The following RAPGEF6 variants were observed in gnomAD, a reference collection of about 807,000 sequenced individuals.
RAPGEF6 encodes the protein Rap guanine nucleotide exchange factor 6.
Under a neutral mutation model 171.4 loss-of-function variants are expected in RAPGEF6, and 56 were observed. That is an observed-to-expected ratio of 0.33 (90% CI 0.26 to 0.41). The LOEUF (loss-of-function observed/expected upper bound fraction) is 0.41, where lower values mean the gene tolerates loss of function less well. Among genes scored for constraint, RAPGEF6 ranks in the 10% least tolerant of loss-of-function variants. RAPGEF6 has a pLI of 1.00. For missense variants in RAPGEF6, 1,674 were observed against 1,921.4 expected (o/e 0.87, Z 2.41); for synonymous variants, 692 against 650.1 (o/e 1.06, Z -0.98).
At chr5:131,561,660 C>CAAAA (rs35691525) in intron 5 of RAPGEF6, among the ~76,000 whole-genome samples, 9 of 90,872 alleles carry the variant, frequency 9.9e-5, no homozygotes, top group African/African-American at 3.4e-4. Context: ...AACTCTGTCT[C>CAAAA]AAAAAAAAAA....
rs79967905 is a variant in RAPGEF6 at position 131,582,951 on chromosome 5, T to C, written c.281+9432A>G. ...GTATTTTTCAAAATATATGAAAGTATGTATTCACATAAACACGTACAAAAT... is the reference window on the plus strand; with the variant it reads ...GTATTTTTCAAAATATATGAAAGTACGTATTCACATAAACACGTACAAAAT... On this transcript the variant is annotated intron_variant, in intron 4 of 27. Coordinates refer to ENST00000509018, the MANE Select transcript of RAPGEF6 (RefSeq NM_016340.6). 1.1e-3 allele frequency among the ~76,000 whole-genome samples: 171 copies of C among 152,356 alleles called. 1 individual carries two copies. In the East Asian group the frequency reaches 0.03, roughly 27 times the overall value.
At position 131,603,138 on chromosome 5, in the gene RAPGEF6, T is replaced by C. The variant is rs998639439; in HGVS notation, c.197+133A>G. On this transcript the variant is annotated intron_variant, in intron 3 of 27. Transcript: ENST00000509018. The stretch of plus-strand genomic sequence containing the variant: ...CTTTTGGTGGATTCTATGTATGTTA[T>C]ATACTTCATGGTCTATGAATATTTT... 7.2e-6 allele frequency: 5 copies of C among 694,436 alleles called. 1 individual carries two copies. The highest frequency in any genetic ancestry group is 3.7e-5 in the South Asian group (2 of 54,014). The allele number at this position is 694,436 out of a possible 1,614,324, so 43.0% of individuals were successfully genotyped here.
intron 6 of RAPGEF6, among the ~76,000 whole-genome samples, chr5:131,523,559 G>A (rs1355893531): frequency 6.6e-6 from 1 of 151,974 alleles, no homozygotes; most frequent in Non-Finnish European, 1.5e-5. Flanking sequence ...AATTTGAAAA[G>A]TAAAGACTAG....
chr5:131,571,367 G>A (rs1762271281), intron 4 of RAPGEF6, among the ~76,000 whole-genome samples: 1 of 152,066 alleles, frequency 6.6e-6, no homozygotes, highest in African/African-American at 2.4e-5. Flanking sequence ...ATCAAAATAA[G>A]ATCTGAATTC....
At chr5:131,534,726 T>C (rs192306297) in intron 6 of RAPGEF6, among the ~76,000 whole-genome samples, 367 of 151,876 alleles carry the variant, frequency 2.4e-3, no homozygotes, top group African/African-American at 6.0e-3. Flanking sequence ...AGAAAAATGA[T>C]AGTAGGTACT....
rs1282324315 is a variant in RAPGEF6, at chr5:131,442,449, G to T, written c.3510C>A (p.Ala1170=). The change falls in exon 23 of 28, where the codon GCC becomes GCA. Residue 1170 remains alanine, a synonymous_variant. Transcript: ENST00000509018. ...TTACTCTGTGGGGTTGATGCAAGTGGGCTTTAGTTGTTTGGCCAGCTGACC... is the reference window on the plus strand; with the variant it reads ...TTACTCTGTGGGGTTGATGCAAGTGTGCTTTAGTTGTTTGGCCAGCTGACC... ...PMRSAGQTTK[A]HLHQPHRVSQ... 18 of 1,614,082 alleles carry T rather than the reference G, an allele frequency of 1.1e-5. No homozygotes were observed. Among genetic ancestry groups the T allele is most frequent in the Non-Finnish European group, 1.4e-5 (17 of 1,179,998 alleles).
At chr5:131,558,682 A>T (rs1019593863) in intron 5 of RAPGEF6, among the ~76,000 whole-genome samples, 1 of 152,052 alleles carries the variant, frequency 6.6e-6, no homozygotes, top group Non-Finnish European at 1.5e-5. Context: ...ATATTTTCTA[A>T]TTTTCTAAGT....
chr5:131,598,543 T>A (rs1344771370), intron 3 of RAPGEF6, among the ~76,000 whole-genome samples: 1 of 151,964 alleles, frequency 6.6e-6, no homozygotes, highest in African/African-American at 2.4e-5. Context: ...AAGAAAAATC[T>A]CAGAAGCAGT....
intron 19 of RAPGEF6, among the ~76,000 whole-genome samples, chr5:131,459,656 T>C (rs919283673): frequency 6.6e-6 from 1 of 152,118 alleles, no homozygotes; most frequent in Non-Finnish European, 1.5e-5. Flanking sequence ...TACAAAGGAG[T>C]ACTTCATAGT....
At chr5:131,481,355 G>A (rs2149858703) in intron 15 of RAPGEF6, among the ~76,000 whole-genome samples, 1 of 152,030 alleles carries the variant, frequency 6.6e-6, no homozygotes, top group Admixed American at 6.5e-5. Flanking sequence ...GCCTCTTGGA[G>A]CAGTTGGGAT....
intron 4 of RAPGEF6, among the ~76,000 whole-genome samples, chr5:131,566,580 CTGGACTAACAGAA>C (rs2149973808): frequency 6.6e-6 from 1 of 152,192 alleles, no homozygotes; most frequent in African/African-American, 2.4e-5. Context: ...AGCAGTAATA[CTGGACTAACAGAA>C]ATGAGCTGAA....
chr5:131,588,007 A>T lies in RAPGEF6; in HGVS notation c.281+4376T>A, dbSNP rs1280527073. 7.5e-3 allele frequency among the ~76,000 whole-genome samples: 1,111 copies of T among 148,284 alleles called. 7 individuals are homozygous for T. The highest frequency in any genetic ancestry group is 0.019 in the African/African-American group (762 of 40,382). ...AGCAATGTAGCTTTTTTTTTTTTTT[A>T]AATTTTTGTAGCTATCTTATTTAGG... On this transcript the variant is annotated intron_variant, in intron 4 of 27. Transcript: ENST00000509018.
At chr5:131,530,358 C>T (rs940851321) in intron 6 of RAPGEF6, among the ~76,000 whole-genome samples, 6 of 152,028 alleles carry the variant, frequency 3.9e-5, no homozygotes, top group Non-Finnish European at 8.8e-5. Flanking sequence ...TAAAGGAAGG[C>T]ATTTATGATT....
chr5:131,464,961 T>C (rs1299503925), intron 17 of RAPGEF6, among the ~76,000 whole-genome samples: 1 of 152,218 alleles, frequency 6.6e-6, no homozygotes, highest in Non-Finnish European at 1.5e-5. Flanking sequence ...TCATAAGCCC[T>C]ATTCTTTTCC....
intron 1 of RAPGEF6, among the ~76,000 whole-genome samples, chr5:131,617,606 C>G (rs983033152): frequency 6.6e-6 from 1 of 150,984 alleles, no homozygotes; most frequent in African/African-American, 2.5e-5. Flanking sequence ...GCGCCCACCA[C>G]CACCCCCAGT....
At chr5:131,569,281 C>T (rs1442381019) in intron 4 of RAPGEF6, among the ~76,000 whole-genome samples, 1 of 152,074 alleles carries the variant, frequency 6.6e-6, no homozygotes, top group Admixed American at 6.5e-5. Flanking sequence ...ATTATAAAAA[C>T]GAACAAAGTT....
At chr5:131,556,900 T>C (rs1227070115) in intron 5 of RAPGEF6, among the ~76,000 whole-genome samples, 1 of 152,210 alleles carries the variant, frequency 6.6e-6, no homozygotes, top group Non-Finnish European at 1.5e-5. Context: ...TTAATTTTTT[T>C]ATTTCAGGGG....
intron 5 of RAPGEF6, among the ~76,000 whole-genome samples, chr5:131,552,754 C>T (rs1169053485): frequency 6.6e-6 from 1 of 152,046 alleles, no homozygotes. Flanking sequence ...AGCCACCACA[C>T]CAGGCCAACA....
intron 6 of RAPGEF6, among the ~76,000 whole-genome samples, chr5:131,540,780 TG>T (rs1760082871): frequency 6.6e-6 from 1 of 152,232 alleles, no homozygotes; most frequent in South Asian, 2.1e-4. Context: ...GCACACTTGG[TG>T]CTTGACCTTG....
Sources: allele counts gnomAD v4.1 joint callset (sites outside exome capture counted in the v4.1 genomes callset), GRCh38; gene constraint gnomAD v4.1.1; transcripts MANE v1.5; gene names NCBI Gene and HGNC (gene_info 2026-07-23, HGNC 2026-07-21).